The following ATG2A variants were observed in gnomAD, a reference collection of about 807,000 sequenced individuals.
ATG2A encodes autophagy related 2A, also known as autophagy-related protein 2 homolog A.
A neutral mutation model predicts 214.2 loss-of-function variants in ATG2A; 103 were observed. The ratio of observed to expected loss-of-function variants is 0.48; its 90% CI spans 0.41 to 0.57. The LOEUF (loss-of-function observed/expected upper bound fraction) is 0.57. ATG2A is among the 20% of genes least tolerant of loss of function. The pLI is 0.00. For synonymous variants in ATG2A, 1,160 were observed against 1,142.1 expected (o/e 1.02, Z -0.32); for missense variants, 2,312 against 2,613.2 (o/e 0.88, Z 2.51).
Position 64,909,898 on chromosome 11 carries a change from C to T in ATG2A, c.1890G>A (p.Gln630=). 4 of 1,604,868 alleles carry T rather than the reference C, an allele frequency of 2.5e-6. No homozygotes were observed. Among genetic ancestry groups the T allele is most frequent in the Non-Finnish European group, 3.4e-6 (4 of 1,176,184 alleles). ...GTGCAGAGAGCCGAAATACCGTCTG[C>T]TGCTCCATCGCCGGCAGGGGCTCTG... ...LLTEPLPAME[Q]QTVFRLSAPR... Residue 630 remains glutamine (Q), a synonymous_variant, in exon 14 of 41, where the codon CAG becomes CAA. Transcript: ENST00000377264.
Position 64,907,926 on chromosome 11 carries a change from T to C in ATG2A, c.2365-36A>G, listed in dbSNP as rs376353619. 4 of 1,595,524 alleles carry C rather than the reference T, an allele frequency of 2.5e-6. No homozygotes were observed. The African/African-American group carries it at 5.4e-5, about 21-fold the overall frequency. On this transcript the variant is annotated intron_variant, in intron 16 of 40. Coordinates refer to ENST00000377264, the MANE Select transcript of ATG2A (RefSeq NM_015104.3). ...TGAGGTGGAAAGAGCAGGAGAGTCATCTTAGAGACGCTGGCTGGGGCCTGT... is the reference window on the plus strand; with the variant it reads ...TGAGGTGGAAAGAGCAGGAGAGTCACCTTAGAGACGCTGGCTGGGGCCTGT...
intron 30 of ATG2A, 69 bp downstream of exon 30, chr11:64,900,815 G>A (rs563574472): frequency 1.3e-6 from 2 of 1,494,634 alleles, no homozygotes; most frequent in African/African-American, 2.8e-5. Context: ...TCCAGCTGCT[G>A]AAAGTCAGAC....
rs374586580 is a variant in ATG2A, at chr11:64,905,621, C to G, written c.3406G>C (p.Ala1136Pro). Residue 1136 changes from alanine to proline, a missense_variant, in exon 24 of 41, where the codon GCG becomes CCG. Transcript: ENST00000377264. ...LYLPVRVLIT[A>P]ETFTLSSNII... ...TTGCTGGAGAGAGTGAAGGTCTCCGCGGTGATGAGGACACGCACTGGGAGG... is the reference window on the plus strand; with the variant it reads ...TTGCTGGAGAGAGTGAAGGTCTCCGGGGTGATGAGGACACGCACTGGGAGG... 3 of 1,613,726 alleles carry G rather than the reference C, an allele frequency of 1.9e-6. No individual in the cohort carries two copies. Among genetic ancestry groups the G allele is most frequent in the Non-Finnish European group, 2.5e-6 (3 of 1,179,872 alleles).
chr11:64,908,939 C>G, intron 16 of ATG2A, 52 bp downstream of exon 16: 3 of 1,535,930 alleles, frequency 2.0e-6, no homozygotes, highest in Non-Finnish European at 2.6e-6. Context: ...ACGGCAGGAA[C>G]CCGGGCGGTG....
rs945230182 is a variant in ATG2A at position 64,909,007 on chromosome 11, A to G, written c.2348T>C (p.Met783Thr). 1.3e-6 allele frequency: 2 copies of G among 1,595,220 alleles called. No homozygotes were observed. Among genetic ancestry groups the G allele is most frequent in the South Asian group, 1.1e-5 (1 of 88,884 alleles). ...AAGTCTCACCTCCTCTGTCTCATAC[A>G]TGGTCCTCTTAGAGGAGAAGGGCGA... is the stretch of plus-strand genomic sequence containing the variant. ...EPSPFSSKRT[M>T]YETEEMVIPG... Residue 783 changes from methionine (M) to threonine (T), a missense_variant, in exon 16 of 41, where the codon ATG (methionine) becomes ACG (threonine). Physicochemically the swap from Met to Thr is moderately conservative, Grantham distance 81 (BLOSUM62 -1). Coordinates refer to ENST00000377264, the MANE Select transcript of ATG2A (RefSeq NM_015104.3).
Position 64,911,881 on chromosome 11 carries a change from T to C in ATG2A, c.1189A>G (p.Met397Val), listed in dbSNP as rs200658707. The change falls in exon 9 of 41, where the codon ATG (methionine) becomes GTG (valine). Residue 397 changes from methionine (M) to valine (V), a missense_variant. Physicochemically the swap from Met to Val is conservative, Grantham distance 21. Transcript: ENST00000377264. ...VDLASSVRSD[M>V]ASRRLSAQAH... The stretch of plus-strand genomic sequence containing the variant: ...TGGGCAGAGAGCCGGCGGGAGGCCA[T>C]GTCGCTGCGCACAGAGGAGGCCAGG... The C allele has an allele frequency of 1.2e-5, 20 of 1,613,354 alleles. No homozygotes were observed. The highest frequency in any genetic ancestry group is 2.2e-5 in the South Asian group (2 of 90,998).
At chr11:64,911,407 G>A in intron 9 of ATG2A, 132 bp from the exon 10 acceptor site, 1 of 908,482 alleles carries the variant, frequency 1.1e-6, no homozygotes, top group Non-Finnish European at 1.7e-6. Flanking sequence ...AGAAGGCTTG[G>A]TCAGGCAGGG....
chr11:64,907,476 C>T (rs763018032), intron 18 of ATG2A, 37 bp from the exon 19 acceptor site: 2 of 1,610,318 alleles, frequency 1.2e-6, no homozygotes, highest in Admixed American at 1.7e-5. Flanking sequence ...CCTGGCCCTT[C>T]CCAGACCTGG....
rs1192355174 is a variant in ATG2A at position 64,907,861 on chromosome 11, C to T, written c.2394G>A (p.Met798Ile). 4 of 1,612,852 alleles carry T rather than the reference C, an allele frequency of 2.5e-6. No individual in the cohort carries two copies. Among genetic ancestry groups the T allele is most frequent in the East Asian group, 4.5e-5 (2 of 44,880 alleles). The change falls in exon 17 of 41, where the codon ATG becomes ATA. Residue 798 changes from methionine to isoleucine, a missense_variant. Met to Ile is a conservative substitution (Grantham distance 10). Transcript: ENST00000377264. ...EMVIPGDPEE[M>I]RTFQSRTLAL... ...CCAGGGTCCGGCTCTGGAACGTCCTCATCTCCTCAGGGTCTCCAGGGATCA... is the reference window on the plus strand; with the variant it reads ...CCAGGGTCCGGCTCTGGAACGTCCTTATCTCCTCAGGGTCTCCAGGGATCA...
In ATG2A at chr11:64,903,658, A is replaced by T; in HGVS notation, c.3467T>A (p.Phe1156Tyr). ...IMDTSTFLLR[F>Y]ILDDSALYLS... ...GTACAAGGCGGAGTCATCGAGGATG[A>T]ACCTGGGGGGGAACAGGGCTGAGAA... Residue 1156 changes from phenylalanine (F) to tyrosine (Y), a missense_variant and splice_region_variant, in exon 25 of 41, where the codon TTC becomes TAC. Physicochemically the swap from Phe to Tyr is conservative, Grantham distance 22. Coordinates refer to ENST00000377264, the MANE Select transcript of ATG2A (RefSeq NM_015104.3). The surrounding 1 kb of genome is among the most constrained non-coding windows in gnomAD (Gnocchi z 4.2). The T allele has an allele frequency of 1.3e-6, 2 of 1,549,492 alleles. No homozygotes were observed. Among genetic ancestry groups the T allele is most frequent in the Non-Finnish European group, 1.7e-6 (2 of 1,146,172 alleles).
At position 64,914,137 on chromosome 11, in the gene ATG2A, G is replaced by T. The variant is rs751979027; in HGVS notation, c.431C>A (p.Ser144Tyr). The stretch of plus-strand genomic sequence containing the variant: ...CCCCTCCAGGGGCTGTGGTGGCTCA[G>T]AGGGCTCCGGTAGCCCATCCCGCAG... ...ECLRDGLPEP[S>Y]EPPQPLEGLE... is the part of the protein sequence containing the mutation. The change falls in exon 3 of 41, where the codon TCT becomes TAT. Residue 144 changes from serine to tyrosine, a missense_variant. Physicochemically the swap from Ser to Tyr is moderately radical, Grantham distance 144. Coordinates refer to ENST00000377264, the MANE Select transcript of ATG2A (RefSeq NM_015104.3). 1.2e-5 allele frequency: 19 copies of T among 1,552,978 alleles called. No individual in the cohort carries two copies. Among genetic ancestry groups the T allele is most frequent in the Non-Finnish European group, 1.6e-5 (18 of 1,148,160 alleles).
At chr11:64,906,573 G>C (rs751418734) in intron 20 of ATG2A, 40 bp from the exon 21 acceptor site, 2 of 1,609,118 alleles carry the variant, frequency 1.2e-6, no homozygotes, top group African/African-American at 2.7e-5. Flanking sequence ...AAGCCAACTG[G>C]CTACCCACTC....
intron 1 of ATG2A, among the ~76,000 whole-genome samples, chr11:64,914,757 C>T (rs1022121250): frequency 6.6e-6 from 1 of 152,050 alleles, no homozygotes; most frequent in African/African-American, 2.4e-5. Context: ...TAATATTTAC[C>T]GAGCACTTTC....
At chr11:64,915,132 A>ACCCCCCC (rs34205615) in intron 1 of ATG2A, among the ~76,000 whole-genome samples, 1 of 36,536 alleles carries the variant, frequency 2.7e-5, no homozygotes, top group African/African-American at 9.0e-5. Context: ...GCCAGATGGG[A>ACCCCCCC]CCCCCCCCCC....
Position 64,910,781 on chromosome 11 carries a change from C to T in ATG2A, c.1614+26G>A, listed in dbSNP as rs781535346. 15 of 1,610,338 alleles carry T rather than the reference C, an allele frequency of 9.3e-6. No individual in the cohort carries two copies. In the African/African-American group the frequency reaches 1.2e-4, roughly 13 times the overall value. ...CCACCCAAACCTCCAGACCCCGCCTCGTACACATTCTGCCTCTGCCCTCAC... is the reference window on the plus strand; with the variant it reads ...CCACCCAAACCTCCAGACCCCGCCTTGTACACATTCTGCCTCTGCCCTCAC... On this transcript the variant is annotated intron_variant, in intron 11 of 40. Transcript: ENST00000377264.
At chr11:64,908,497 AGCCGAGATCAT>A (rs1271468327) in intron 16 of ATG2A, among the ~76,000 whole-genome samples, 1 of 152,162 alleles carries the variant, frequency 6.6e-6, no homozygotes, top group Non-Finnish European at 1.5e-5. Context: ...GGTTGCGGTG[AGCCGAGATCAT>A]GCCACTGCAC....
intron 6 of ATG2A, 140 bp from the exon 7 acceptor site, chr11:64,912,563 A>G: frequency 1.5e-6 from 1 of 673,008 alleles, no homozygotes; most frequent in Non-Finnish European, 2.4e-6. Flanking sequence ...TCTATGAACC[A>G]GGCCACAACT....
rs745705318 is a variant in ATG2A at position 64,912,267 on chromosome 11, T to C, written c.923-18A>G. The C allele has an allele frequency of 2.4e-5, 39 of 1,610,360 alleles. No individual in the cohort carries two copies. Among genetic ancestry groups the C allele is most frequent in the Non-Finnish European group, 3.2e-5 (38 of 1,177,658 alleles). On this transcript the variant is annotated intron_variant, in intron 7 of 40. Transcript: ENST00000377264. ...CTCGTGGTCTGCAGGGGAGGAGACT[T>C]CAGTCTGGGCTGGCTGGCCCTCCCA... is the stretch of plus-strand genomic sequence containing the variant.
At position 64,897,478 on chromosome 11, in the gene ATG2A, A is replaced by G; in HGVS notation, c.5084T>C (p.Leu1695Pro). The stretch of plus-strand genomic sequence containing the variant: ...GTTGAGTTGGGCCAGGCCGATGAGG[A>G]GGCCAGCAAAAGTGCCCTGGGAGAG... ...TMDQVGTFAG[L>P]LIGLAQLNCS... is the part of the protein sequence containing the mutation. The change falls in exon 37 of 41, where the codon CTC becomes CCC. Residue 1695 changes from leucine (L) to proline (P), a missense_variant. Transcript: ENST00000377264. 1.3e-6 allele frequency: 2 copies of G among 1,579,382 alleles called. No individual in the cohort carries two copies. Among genetic ancestry groups the G allele is most frequent in the Non-Finnish European group, 8.6e-7 (1 of 1,162,436 alleles).
Sources: allele counts gnomAD v4.1 joint callset (sites outside exome capture counted in the v4.1 genomes callset), GRCh38; gene constraint gnomAD v4.1.1; non-coding constraint Gnocchi (gnomAD v3.1); transcripts MANE v1.5; gene names NCBI Gene and HGNC (gene_info 2026-07-23, HGNC 2026-07-21).